The following CTNND2 variants were observed in gnomAD, a reference collection of about 807,000 sequenced individuals.
CTNND2 encodes catenin delta 2.
A neutral mutation model predicts 144.4 loss-of-function variants in CTNND2; 22 were observed. The observed-to-expected ratio is 0.15, with a 90% CI of 0.11 to 0.22. CTNND2 has a LOEUF of 0.22. Ranked by LOEUF, CTNND2 falls within the 10% of genes least tolerant of loss-of-function variation. The pLI is 1.00. For synonymous variants in CTNND2, 751 were observed against 695.6 expected (o/e 1.08, Z -1.25); for missense variants, 1,353 against 1,618.8 (o/e 0.84, Z 2.82).
At chr5:11,079,048 A>G (rs1286900329) in intron 16 of CTNND2, among the ~76,000 whole-genome samples, 1 of 152,226 alleles carries the variant, frequency 6.6e-6, no homozygotes, top group Non-Finnish European at 1.5e-5. Context: ...TATGATGGCT[A>G]TTGTGAAATG....
At chr5:11,164,249 C>T (rs721768) in intron 11 of CTNND2, among the ~76,000 whole-genome samples, 52,963 of 152,010 alleles carry the variant, frequency 0.35, 10,780 homozygotes, top group Admixed American at 0.49. Flanking sequence ...CCTGCAAAGT[C>T]CCTTTCATCA....
At chr5:11,108,849 C>A (rs865998828) in intron 14 of CTNND2, among the ~76,000 whole-genome samples, 2 of 152,252 alleles carry the variant, frequency 1.3e-5, no homozygotes, top group East Asian at 1.9e-4. Flanking sequence ...CTCAGGACAC[C>A]ATCACAGGAT....
At chr5:11,506,235 A>C (rs950836940) in intron 3 of CTNND2, among the ~76,000 whole-genome samples, 1 of 152,190 alleles carries the variant, frequency 6.6e-6, no homozygotes, top group African/African-American at 2.4e-5. Context: ...GCATCAGACC[A>C]CCTCGGTTCA....
chr5:11,438,127 T>C (rs1372042335), intron 3 of CTNND2, among the ~76,000 whole-genome samples: 1 of 152,198 alleles, frequency 6.6e-6, no homozygotes, highest in African/African-American at 2.4e-5. Flanking sequence ...TGGCCAGCTG[T>C]GTATTGTGGA....
chr5:11,626,266 G>A (rs1032568198), intron 2 of CTNND2, among the ~76,000 whole-genome samples: 1 of 152,046 alleles, frequency 6.6e-6, no homozygotes, highest in African/African-American at 2.4e-5. Context: ...TTTTGCCTTC[G>A]ACTCCATTTC....
chr5:11,348,501 A>AT (rs1373629424), intron 8 of CTNND2, among the ~76,000 whole-genome samples: 1 of 151,428 alleles, frequency 6.6e-6, no homozygotes, highest in African/African-American at 2.4e-5. Context: ...ATAGATGTGC[A>AT]TTTTTTTCCA....
intron 10 of CTNND2, among the ~76,000 whole-genome samples, chr5:11,214,732 C>T (rs1385038273): frequency 1.3e-5 from 2 of 152,158 alleles, no homozygotes; most frequent in African/African-American, 4.8e-5. Context: ...GTTTCTTACT[C>T]ACTTCGGCTT....
chr5:11,387,678 AC>A (rs1454365136), intron 6 of CTNND2, among the ~76,000 whole-genome samples: 3 of 151,976 alleles, frequency 2.0e-5, no homozygotes, highest in Non-Finnish European at 4.4e-5. Context: ...TTTCAGGAGC[AC>A]TCTCTGCTCC....
rs1561781744 is a variant in CTNND2 at position 11,770,473 on chromosome 5, T to TAGGGGA, written c.38-38207_38-38202dup. On this transcript the variant is annotated intron_variant, in intron 1 of 21. Coordinates refer to ENST00000304623, the MANE Select transcript of CTNND2 (RefSeq NM_001332.4). ...GAAGGAAGGAAGGAAGGGGTAGGGG[T>TAGGGGA]AGGGGAAGGGGAAGGAAGACTGTTC... is the stretch of plus-strand genomic sequence containing the variant. 1.5e-3 allele frequency among the ~76,000 whole-genome samples: 199 copies of TAGGGGA among 136,096 alleles called. 1 individual carries two copies. The highest frequency in any genetic ancestry group is 5.5e-3 in the African/African-American group (186 of 33,562). 89.3% of individuals were successfully genotyped at this position (136,096 alleles called of 152,430 possible). A position where few individuals can be genotyped will look rare whatever the true frequency, so the allele number is the denominator to read the frequency against.
chr5:11,211,813 C>CT (rs1347824759), intron 10 of CTNND2, among the ~76,000 whole-genome samples: 4 of 152,104 alleles, frequency 2.6e-5, no homozygotes, highest in Non-Finnish European at 4.4e-5. Context: ...TGTTTTGTGT[C>CT]TTAGCCTATG....
intron 1 of CTNND2, among the ~76,000 whole-genome samples, chr5:11,781,529 AT>A (rs1397846158): frequency 6.6e-6 from 1 of 152,220 alleles, no homozygotes; most frequent in Non-Finnish European, 1.5e-5. Flanking sequence ...ACAATTTATA[AT>A]TTGAAGAATA....
At chr5:11,366,590 T>C (rs1757000438) in intron 7 of CTNND2, among the ~76,000 whole-genome samples, 1 of 152,184 alleles carries the variant, frequency 6.6e-6, no homozygotes, top group Admixed American at 6.5e-5. Flanking sequence ...TCCAGGAATA[T>C]ATTTAAGTAC....
intron 2 of CTNND2, among the ~76,000 whole-genome samples, chr5:11,716,953 C>T (rs755903704): frequency 1.2e-4 from 18 of 151,970 alleles, no homozygotes; most frequent in African/African-American, 1.9e-4. Context: ...CTGCAACCTC[C>T]GCCTCCCGGG....
chr5:11,848,548 T>C (rs1392734486), intron 1 of CTNND2, among the ~76,000 whole-genome samples: 5 of 152,054 alleles, frequency 3.3e-5, no homozygotes, highest in Non-Finnish European at 7.4e-5. Context: ...GACTAAATTT[T>C]CCCCCTACCT....
At chr5:11,228,309 C>T (rs1273947889) in intron 10 of CTNND2, among the ~76,000 whole-genome samples, 2 of 135,886 alleles carry the variant, frequency 1.5e-5, no homozygotes, top group African/African-American at 2.7e-5. Flanking sequence ...CGTGCCACTG[C>T]ACTCCAGCCT....
chr5:11,046,317 G>A (rs852638), intron 16 of CTNND2, among the ~76,000 whole-genome samples: 29,652 of 152,142 alleles, frequency 0.19, 3,406 homozygotes, highest in Non-Finnish European at 0.27. Flanking sequence ...AGATTGAGGC[G>A]ATGCTTCTAC....
chr5:11,423,425 G>A (rs562894239), intron 3 of CTNND2, among the ~76,000 whole-genome samples: 8 of 152,314 alleles, frequency 5.3e-5, no homozygotes, highest in Non-Finnish European at 1.0e-4. Context: ...GCCGATAGAA[G>A]TGGCATGTAT....
intron 11 of CTNND2, among the ~76,000 whole-genome samples, chr5:11,170,840 TGAG>T (rs1184299379): frequency 6.6e-6 from 1 of 152,190 alleles, no homozygotes; most frequent in Non-Finnish European, 1.5e-5. Flanking sequence ...TCCACGTGGC[TGAG>T]GAGGCCTCAC....
chr5:11,661,893 G>T (rs545114625), intron 2 of CTNND2, among the ~76,000 whole-genome samples: 1 of 151,684 alleles, frequency 6.6e-6, no homozygotes, highest in Non-Finnish European at 1.5e-5. Context: ...GAGCATTACC[G>T]TTCAAACTCT....
Sources: allele counts gnomAD v4.1 joint callset (sites outside exome capture counted in the v4.1 genomes callset), GRCh38; gene constraint gnomAD v4.1.1; transcripts MANE v1.5; gene names NCBI Gene and HGNC (gene_info 2026-07-23, HGNC 2026-07-21).